AGTPBP1: variants seen among roughly 807,000 people sequenced by gnomAD.
AGTPBP1 encodes ATP/GTP binding carboxypeptidase 1.
A neutral mutation model predicts 143.9 loss-of-function variants in AGTPBP1; 70 were observed. The observed-to-expected ratio is 0.49, with a 90% confidence interval of 0.40 to 0.59. The LOEUF is 0.59. Among genes scored for constraint, AGTPBP1 ranks in the 20% least tolerant of loss-of-function variants. The pLI is 0.00. For missense variants in AGTPBP1, 1,229 were observed against 1,464.5 expected, an observed-to-expected ratio of 0.84 and a Z score of 2.62; for synonymous variants, 463 against 500.2, an observed-to-expected ratio of 0.93 and a Z score of 0.99.
At chr9:85,741,471 C>T (rs1279679969) in intron 1 of AGTPBP1, 1 of 985,256 alleles carries the variant, frequency 1.0e-6, no homozygotes, top group Non-Finnish European at 1.2e-6. Context: ...GGCCTCCGCC[C>T]AGAGACCGCG....
At chr9:85,579,166 A>G in intron 23 of AGTPBP1, 70 bp from the exon 24 acceptor site, 1 of 1,461,428 alleles carries the variant, frequency 6.8e-7, no homozygotes, top group African/African-American at 1.5e-5. Context: ...TAATTTTAAA[A>G]AGTTTTGATG....
At chr9:85,666,793 T>C (rs997443329) in intron 8 of AGTPBP1, among the ~76,000 whole-genome samples, 1 of 151,988 alleles carries the variant, frequency 6.6e-6, no homozygotes, top group African/African-American at 2.4e-5. Flanking sequence ...AAATAAATTA[T>C]AAAATGCAGT....
intron 18 of AGTPBP1, among the ~76,000 whole-genome samples, chr9:85,593,283 A>G (rs1434682617): frequency 6.6e-6 from 1 of 152,224 alleles, no homozygotes; most frequent in East Asian, 1.9e-4. Context: ...TTAACACCAC[A>G]GGGATGCAAT....
the AGTPBP1 span, among the ~76,000 whole-genome samples, chr9:85,779,465 T>C: frequency 6.6e-6 from 1 of 152,054 alleles, no homozygotes; most frequent in Non-Finnish European, 1.5e-5. Flanking sequence ...AGATGTAGGC[T>C]GGGAGGCTAG....
intron 17 of AGTPBP1, among the ~76,000 whole-genome samples, chr9:85,606,894 G>A (rs748213611): frequency 1.3e-5 from 2 of 151,962 alleles, no homozygotes; most frequent in Admixed American, 6.5e-5. Context: ...TACAAAAGCT[G>A]AGAAGGGTGT....
At chr9:85,622,749 AG>A (rs1313910906) in intron 14 of AGTPBP1, among the ~76,000 whole-genome samples, 2 of 152,218 alleles carry the variant, frequency 1.3e-5, no homozygotes, top group African/African-American at 4.8e-5. Context: ...CTTTTTTAAA[AG>A]CTATCGATTA....
chr9:85,555,774 T>C (rs1324668192), intron 25 of AGTPBP1, among the ~76,000 whole-genome samples: 1 of 152,132 alleles, frequency 6.6e-6, no homozygotes, highest in Non-Finnish European at 1.5e-5. Context: ...TATGAAATTT[T>C]TCAAATAAAT....
At chr9:85,553,346 G>A (rs575348131) in intron 25 of AGTPBP1, among the ~76,000 whole-genome samples, 91 of 152,262 alleles carry the variant, frequency 6.0e-4, no homozygotes, top group Middle Eastern at 3.4e-3. Flanking sequence ...AAACCATTCC[G>A]TTATTTCAGT....
At position 85,633,145 on chromosome 9, in the gene AGTPBP1, T is replaced by G; in HGVS notation, c.1532A>C (p.Gln511Pro). 6.2e-7 allele frequency: 1 copy of G among 1,613,976 alleles called. No homozygotes were observed. The highest frequency in any genetic ancestry group is 1.3e-5 in the African/African-American group (1 of 75,026). ...AGTTCTATTTTGATCACCTGGCTGC[T>G]GTTGTAATGTTCTATCATTATCTTT... is the stretch of plus-strand genomic sequence containing the variant. ...DIKDNDRTLQ[Q>P]QPGDQNRTIS... Residue 511 changes from glutamine to proline, a missense_variant, in exon 14 of 26, where the codon CAG becomes CCG. This residue lies in a region of AGTPBP1 where 743 missense variants were observed against 812.2 expected (regional missense o/e 0.91). Coordinates refer to ENST00000357081, the MANE Select transcript of AGTPBP1 (RefSeq NM_001330701.2).
chr9:85,617,064 G>A (rs541886438), intron 17 of AGTPBP1, among the ~76,000 whole-genome samples: 1 of 152,014 alleles, frequency 6.6e-6, no homozygotes, highest in African/African-American at 2.4e-5. Flanking sequence ...TCTGACTAAA[G>A]CTTTTTTTCA....
chr9:85,634,895 C>T (rs923002098), intron 13 of AGTPBP1, among the ~76,000 whole-genome samples: 4 of 152,134 alleles, frequency 2.6e-5, no homozygotes, highest in African/African-American at 9.7e-5. Context: ...AGTAACTATA[C>T]ATAAGAGTAT....
At chr9:85,801,975 C>G in the AGTPBP1 span, among the ~76,000 whole-genome samples, 1 of 152,142 alleles carries the variant, frequency 6.6e-6, no homozygotes, top group Non-Finnish European at 1.5e-5. Context: ...ATATATATAA[C>G]TATGTGGATG....
chr9:85,679,182 T>C (rs1249028964), intron 4 of AGTPBP1, among the ~76,000 whole-genome samples: 1 of 152,202 alleles, frequency 6.6e-6, no homozygotes, highest in Non-Finnish European at 1.5e-5. Context: ...AAATAATTTA[T>C]ACTCCCATCA....
At chr9:85,697,958 T>G (rs987921705) in intron 2 of AGTPBP1, among the ~76,000 whole-genome samples, 7 of 152,212 alleles carry the variant, frequency 4.6e-5, no homozygotes, top group African/African-American at 1.7e-4. Flanking sequence ...ATCTGTGTAC[T>G]AGAGAGCAAA....
intron 18 of AGTPBP1, among the ~76,000 whole-genome samples, chr9:85,595,416 T>G (rs976269128): frequency 2.0e-5 from 3 of 152,160 alleles, no homozygotes; most frequent in Non-Finnish European, 4.4e-5. Context: ...AGACACACAG[T>G]AAAAATGAGA....
intron 25 of AGTPBP1, among the ~76,000 whole-genome samples, chr9:85,548,072 T>G (rs1386459568): frequency 6.6e-6 from 1 of 152,186 alleles, no homozygotes; most frequent in Non-Finnish European, 1.5e-5. Context: ...ATCTCTAAGG[T>G]AGTGACCAAA....
chr9:85,775,164 C>T, the AGTPBP1 span, among the ~76,000 whole-genome samples: 28 of 152,018 alleles, frequency 1.8e-4, no homozygotes, highest in Middle Eastern at 3.2e-3. Context: ...ACTAGCCAAG[C>T]GTGGTGGCAC....
rs761507592 is a variant in AGTPBP1, at chr9:85,633,236, T to A, written c.1441A>T (p.Ile481Leu). The change falls in exon 14 of 26, where the codon ATA becomes TTA. Residue 481 changes from isoleucine to leucine, a missense_variant. By Grantham distance (5) the Ile-to-Leu change is conservative. Around this residue, in one of 2 missense-constraint regions of AGTPBP1, gnomAD observed 743 missense variants for 812.2 expected, o/e 0.91. Coordinates refer to ENST00000357081, the MANE Select transcript of AGTPBP1 (RefSeq NM_001330701.2). ...NLRKVVMKEN[I>L]SSKGDEGEKK... ...TCACCTTCATCTCCTTTAGAAGATA[T>A]GTTCTCCTTCATTACAACTTTTCTT... 9.3e-6 allele frequency: 15 copies of A among 1,613,894 alleles called. No individual in the cohort carries two copies. The highest frequency in any genetic ancestry group is 8.5e-7 in the Non-Finnish European group (1 of 1,179,998).
chr9:85,737,617 A>C (rs1302547620), intron 1 of AGTPBP1, among the ~76,000 whole-genome samples: 1 of 152,230 alleles, frequency 6.6e-6, no homozygotes, highest in Non-Finnish European at 1.5e-5. Context: ...AGATGTCAAC[A>C]TTTGGAAGAT....
Sources: allele counts gnomAD v4.1 joint callset (sites outside exome capture counted in the v4.1 genomes callset), GRCh38; gene constraint gnomAD v4.1.1; regional missense constraint gnomAD v4.1.1; transcripts MANE v1.5; gene names NCBI Gene and HGNC (gene_info 2026-07-23, HGNC 2026-07-21).